CCDC57: variants seen among roughly 807,000 people sequenced by gnomAD.
CCDC57 encodes the protein coiled-coil domain-containing protein 57.
A neutral mutation model predicts 118.9 loss-of-function variants in CCDC57; 118 were observed. That is an observed-to-expected ratio of 0.99 (90% CI 0.86 to 1.16). CCDC57 has a LOEUF of 1.16. Among genes scored for constraint, CCDC57 ranks in the 50% most tolerant of loss-of-function variants. CCDC57 has a pLI of 0.00. For synonymous variants in CCDC57, 527 were observed against 532.9 expected, an observed-to-expected ratio of 0.99 and a Z score of 0.15; for missense variants, 1,300 against 1,320.7, an observed-to-expected ratio of 0.98 and a Z score of 0.24.
chr17:82,182,513 C>T (rs1043687093), intron 9 of CCDC57, among the ~76,000 whole-genome samples: 3 of 151,432 alleles, frequency 2.0e-5, no homozygotes, highest in South Asian at 2.1e-4. Context: ...GACACCACAC[C>T]GGGATAATTT....
intron 2 of CCDC57, among the ~76,000 whole-genome samples, chr17:82,207,352 C>A (rs532704391): frequency 0.022 from 3,361 of 150,208 alleles, 108 homozygotes; most frequent in African/African-American, 0.077. Flanking sequence ...AAAAAAAAAA[C>A]AAAAAAGAAA....
At chr17:82,152,661 T>C (rs2042201080) in intron 15 of CCDC57, among the ~76,000 whole-genome samples, 1 of 152,200 alleles carries the variant, frequency 6.6e-6, no homozygotes, top group Non-Finnish European at 1.5e-5. Flanking sequence ...GACCTACTTC[T>C]CCCGTGCCAC....
intron 2 of CCDC57, 68 bp from the exon 2 acceptor site, chr17:82,202,020 A>G: frequency 7.1e-7 from 1 of 1,400,580 alleles, no homozygotes; most frequent in Non-Finnish European, 9.5e-7. Flanking sequence ...CACAGTACCT[A>G]CCTCACATTC....
intron 14 of CCDC57, among the ~76,000 whole-genome samples, chr17:82,158,915 C>T (rs967519890): frequency 6.6e-6 from 1 of 151,774 alleles, no homozygotes; most frequent in Admixed American, 6.6e-5. Flanking sequence ...CAGAGTGGCG[C>T]GATCGTGGCT....
chr17:82,157,550 A>C (rs1226516526), intron 15 of CCDC57, 198 bp downstream of exon 14: 1 of 1,428,702 alleles, frequency 7.0e-7, no homozygotes, highest in African/African-American at 1.4e-5. Flanking sequence ...GGAGAAGAGG[A>C]GGCGTGTGGA....
chr17:82,183,910 C>G, exon 9 of CCDC57: 4 of 1,613,612 alleles, frequency 2.5e-6, no homozygotes, highest in Non-Finnish European at 3.4e-6. Flanking sequence ...GCAGATTTTA[C>G]AGTTGATGCA....
chr17:82,142,547 C>T (rs556910125), intron 16 of CCDC57, among the ~76,000 whole-genome samples: 89 of 152,014 alleles, frequency 5.9e-4, no homozygotes, highest in African/African-American at 2.1e-3. Context: ...CTCCTGACCT[C>T]GTGATCTGCC....
At chr17:82,200,654 G>C (rs768100806) in intron 3 of CCDC57, among the ~76,000 whole-genome samples, 1 of 151,982 alleles carries the variant, frequency 6.6e-6, no homozygotes, top group African/African-American at 2.4e-5. Flanking sequence ...TTAGCCGGGC[G>C]TGGTGGTGGG....
chr17:82,172,746 C>T lies in CCDC57; in HGVS notation c.1621G>A (p.Glu541Lys), dbSNP rs563671789. 168 of 1,608,728 alleles carry T rather than the reference C, an allele frequency of 1.0e-4. 2 individuals carry two copies. The South Asian group carries it at 1.8e-3, about 17-fold the overall frequency. ...ATCTGATGGCTTAGAGCCTCCATTT[C>T]TTTCCTCATCTGGGCAATCGCGTTT... The change falls in exon 12 of 20, where the codon GAA becomes AAA. Residue 541 changes from glutamate (E) to lysine (K), a missense_variant. Physicochemically the swap from Glu to Lys is moderately conservative, Grantham distance 56. Coordinates refer to ENST00000665763, the Ensembl canonical transcript of CCDC57. The surrounding 1 kb of genome is among the most constrained non-coding windows in gnomAD (Gnocchi z 5.2).
intron 3 of CCDC57, among the ~76,000 whole-genome samples, chr17:82,200,125 T>C (rs1158697076): frequency 1.3e-5 from 2 of 152,218 alleles, no homozygotes; most frequent in African/African-American, 4.8e-5. Flanking sequence ...GCACCTGACC[T>C]GCCGCAGAAG....
chr17:82,152,116 G>A (rs1450342061), intron 15 of CCDC57: 1 of 307,214 alleles, frequency 3.3e-6, no homozygotes, highest in Non-Finnish European at 6.2e-6. Flanking sequence ...GAGAATCTGA[G>A]GACACCCAAC....
At chr17:82,113,818 C>A (rs2035492414) in intron 19 of CCDC57, 2 of 611,782 alleles carry the variant, frequency 3.3e-6, no homozygotes, top group Non-Finnish European at 5.8e-6. Flanking sequence ...TGGTGATGTG[C>A]ACCTGTAGTC....
chr17:82,212,395 CTCTTTTT>C lies in CCDC57; in HGVS notation c.-211+383_-211+389del, dbSNP rs2050231205. ...ACCGCCTCCGGCCTTTTTTTTTCCT[CTCTTTTT>C]TTTTTTTTTTTTTTAAACTCACAGA... On this transcript the variant is annotated intron_variant, in intron 1 of 19. Coordinates refer to ENST00000665763, the Ensembl canonical transcript of CCDC57. The surrounding 1 kb of genome is among the most constrained non-coding windows in gnomAD (Gnocchi z 4.1). 1.5e-4 allele frequency among the ~76,000 whole-genome samples: 20 copies of C among 134,218 alleles called. 1 individual carries two copies. The highest frequency in any genetic ancestry group is 5.2e-4 in the Admixed American group (7 of 13,366). 88.1% of individuals were successfully genotyped at this position (134,218 alleles called of 152,430 possible).
At chr17:82,157,670 C>T (rs1032975818) in intron 15 of CCDC57, 78 bp downstream of exon 14, 23 of 1,500,258 alleles carry the variant, frequency 1.5e-5, no homozygotes, top group African/African-American at 5.5e-5. Context: ...CAGACAGCAA[C>T]GCTGGCAGAG....
At chr17:82,113,639 C>A in intron 19 of CCDC57, 1 of 717,412 alleles carries the variant, frequency 1.4e-6, no homozygotes, top group South Asian at 1.5e-5. Context: ...GTGAAGGGCT[C>A]CACTCCACGC....
rs536945720 is a variant in CCDC57 at position 82,129,546 on chromosome 17, G to A, written c.2578-949C>T. Among the ~76,000 whole-genome samples the A allele has an allele frequency of 1.9e-4, 29 of 152,280 alleles. 1 individual carries two copies. In the Middle Eastern group the frequency reaches 0.01, roughly 54 times the overall value. Reference sequence around the variant, plus strand: ...TTTACCAACGTTTGCCTGTTCACCCGAGGAATGCACATGCATGAGGTCTGA... The same window carrying A: ...TTTACCAACGTTTGCCTGTTCACCCAAGGAATGCACATGCATGAGGTCTGA... On this transcript the variant is annotated intron_variant, in intron 17 of 19. Transcript: ENST00000665763.
chr17:82,132,759 C>CTTTTTTTTTTTTTTTTTTTTTT lies in CCDC57; in HGVS notation c.2577+1313_2577+1314insAAAAAAAAAAAAAAAAAAAAAA, dbSNP rs71166188. On this transcript the variant is annotated intron_variant, in intron 17 of 19. Coordinates refer to ENST00000665763, the Ensembl canonical transcript of CCDC57. ...TTATCTTTCTGTAGAGACAACCTTG[C>CTTTTTTTTTTTTTTTTTTTTTT]TTTTTTTTTTTTTTTTTTGAGACGG... Among the ~76,000 whole-genome samples the CTTTTTTTTTTTTTTTTTTTTTT allele has an allele frequency of 2.4e-5, 3 of 123,948 alleles. 1 individual carries two copies. Among genetic ancestry groups the CTTTTTTTTTTTTTTTTTTTTTT allele is most frequent in the Non-Finnish European group, 1.7e-5 (1 of 59,744 alleles). The allele number at this position is 123,948 out of a possible 152,430, so 81.3% of individuals were successfully genotyped here.
At chr17:82,125,431 A>G (rs2037289718) in intron 19 of CCDC57, among the ~76,000 whole-genome samples, 1 of 151,150 alleles carries the variant, frequency 6.6e-6, no homozygotes, top group Non-Finnish European at 1.5e-5. Flanking sequence ...ACTGGAGTGC[A>G]GTGGTACAAT....
At chr17:82,139,199 C>T (rs1408196816) in intron 16 of CCDC57, among the ~76,000 whole-genome samples, 2 of 152,206 alleles carry the variant, frequency 1.3e-5, no homozygotes, top group Middle Eastern at 3.2e-3. Context: ...TTGTCTAGAA[C>T]TCTTTTTTGG....
Sources: allele counts gnomAD v4.1 joint callset (sites outside exome capture counted in the v4.1 genomes callset), GRCh38; gene constraint gnomAD v4.1.1; non-coding constraint Gnocchi (gnomAD v3.1); transcripts MANE v1.5; gene names NCBI Gene and HGNC (gene_info 2026-07-23, HGNC 2026-07-21).